AFF3: variants seen among roughly 807,000 people sequenced by gnomAD.
The protein encoded by AFF3 is ALF transcription elongation factor 3.
AFF3 carries 32 observed loss-of-function variants against 129.7 expected under a neutral mutation model. The ratio of observed to expected loss-of-function variants is 0.25; its 90% CI spans 0.19 to 0.33. The LOEUF is 0.33. Among genes scored for constraint, AFF3 ranks in the 10% least tolerant of loss-of-function variants. The pLI, the probability that AFF3 is intolerant of heterozygous loss-of-function variation, is 1.00. For synonymous variants in AFF3, 644 were observed against 635.4 expected, an observed-to-expected ratio of 1.01 and a Z score of -0.20; for missense variants, 1,373 against 1,592.0, an observed-to-expected ratio of 0.86 and a Z score of 2.34.
At chr2:100,135,968 T>G (rs1692625034) in intron 1 of AFF3, among the ~76,000 whole-genome samples, 1 of 151,956 alleles carries the variant, frequency 6.6e-6, no homozygotes, top group East Asian at 1.9e-4. Context: ...TAGCTATGGG[T>G]TGTGAAGGAA....
intron 13 of AFF3, among the ~76,000 whole-genome samples, chr2:99,644,353 CTCTT>C (rs1202291402): frequency 6.6e-6 from 1 of 152,296 alleles, no homozygotes; most frequent in Non-Finnish European, 1.5e-5. Flanking sequence ...TCGTTCCTCT[CTCTT>C]TTTTTTTAAG....
intron 4 of AFF3, among the ~76,000 whole-genome samples, chr2:100,053,464 G>T (rs1035146387): frequency 6.6e-6 from 1 of 152,198 alleles, no homozygotes; most frequent in African/African-American, 2.4e-5. Flanking sequence ...CCAGAGCTCA[G>T]TCTTCTCATT....
intron 7 of AFF3, among the ~76,000 whole-genome samples, chr2:99,970,081 T>G (rs891288169): frequency 2.0e-5 from 3 of 152,200 alleles, no homozygotes; most frequent in Admixed American, 2.0e-4. Flanking sequence ...CTGTGAGAGG[T>G]AAAGACATTT....
intron 7 of AFF3, among the ~76,000 whole-genome samples, chr2:99,869,494 T>C (rs1206110721): frequency 6.6e-6 from 1 of 152,200 alleles, no homozygotes; most frequent in Non-Finnish European, 1.5e-5. Context: ...TAGAACCCCA[T>C]CATTTAAAAT....
chr2:99,842,242 C>A (rs1196776215), intron 7 of AFF3, among the ~76,000 whole-genome samples: 2 of 152,120 alleles, frequency 1.3e-5, no homozygotes, highest in East Asian at 3.9e-4. Context: ...TTTCTCAAAT[C>A]TGGTTTCAGC....
At chr2:99,644,087 A>G (rs888499757) in intron 13 of AFF3, among the ~76,000 whole-genome samples, 2 of 152,204 alleles carry the variant, frequency 1.3e-5, no homozygotes, top group Non-Finnish European at 2.9e-5. Context: ...GCGTTCAGTA[A>G]ATATTTGTGA....
At chr2:99,736,140 T>C (rs1184103368) in intron 10 of AFF3, among the ~76,000 whole-genome samples, 1 of 152,212 alleles carries the variant, frequency 6.6e-6, no homozygotes, top group Non-Finnish European at 1.5e-5. Context: ...CTCTTGCTCA[T>C]TGTGTTGTTT....
intron 7 of AFF3, among the ~76,000 whole-genome samples, chr2:99,962,191 C>T (rs1169991704): frequency 6.6e-6 from 1 of 152,194 alleles, no homozygotes; most frequent in Non-Finnish European, 1.5e-5. Flanking sequence ...AAAACTCCTT[C>T]CTCCTCCTCA....
chr2:99,716,877 C>T (rs13387031), intron 11 of AFF3, among the ~76,000 whole-genome samples: 76,749 of 134,060 alleles, frequency 0.57, 19,696 homozygotes, highest in East Asian at 0.71. Context: ...AGTGAGACTC[C>T]GTCTCAAAAA....
At chr2:99,716,892 AT>A (rs57864002) in intron 11 of AFF3, among the ~76,000 whole-genome samples, 100,302 of 148,708 alleles carry the variant, frequency 0.67, 33,558 homozygotes, top group Middle Eastern at 0.79. Context: ...CAAAAAAAAA[AT>A]ATATATATAT....
chr2:100,048,179 G>GC lies in AFF3; in HGVS notation c.54-39248dup, dbSNP rs1340957603. ...TTGTTTACAATGTAACAAAGATAAT[G>GC]CCGTGACAAATATCCTAAGCTATAA... On this transcript the variant is annotated intron_variant, in intron 4 of 24. Transcript: ENST00000672756. Among the ~76,000 whole-genome samples the GC allele has an allele frequency of 2.6e-5, 4 of 152,292 alleles. No homozygotes were observed. In the East Asian group the frequency reaches 7.7e-4, roughly 29 times the overall value.
chr2:99,972,556 A>T lies in AFF3; in HGVS notation c.873+34076T>A, dbSNP rs563947465. On this transcript the variant is annotated intron_variant, in intron 7 of 24. Transcript: ENST00000672756. ...AGATAGTATTTTACCTCATTAGTTC[A>T]TTCATTTGACACACAGTTATTGGGC... 4.3e-4 allele frequency among the ~76,000 whole-genome samples: 65 copies of T among 152,362 alleles called. No homozygotes were observed. In the Middle Eastern group the frequency reaches 0.02, roughly 48 times the overall value.
intron 20 of AFF3, 135 bp downstream of exon 20, chr2:99,565,352 C>T: frequency 1.5e-6 from 2 of 1,310,300 alleles, no homozygotes; most frequent in South Asian, 2.8e-5. Context: ...CACGACCTTA[C>T]CCTCTTATTT....
intron 13 of AFF3, among the ~76,000 whole-genome samples, chr2:99,628,396 G>C (rs1323647972): frequency 6.6e-6 from 1 of 151,936 alleles, no homozygotes; most frequent in Non-Finnish European, 1.5e-5. Flanking sequence ...AGTGATTTTT[G>C]CATGTTGATT....
At chr2:100,077,675 T>C (rs561964443) in intron 4 of AFF3, among the ~76,000 whole-genome samples, 4 of 152,184 alleles carry the variant, frequency 2.6e-5, no homozygotes, top group African/African-American at 9.7e-5. Context: ...TTTGGGGAAG[T>C]GGAGGGAGGA....
At chr2:99,759,088 T>C (rs1394483482) in intron 8 of AFF3, among the ~76,000 whole-genome samples, 2 of 152,242 alleles carry the variant, frequency 1.3e-5, no homozygotes, top group Non-Finnish European at 2.9e-5. Context: ...ATCTCAAACA[T>C]CATTTGTGTC....
At chr2:99,777,064 T>C (rs533476521) in intron 8 of AFF3, among the ~76,000 whole-genome samples, 58 of 152,294 alleles carry the variant, frequency 3.8e-4, no homozygotes, top group African/African-American at 1.4e-3. Flanking sequence ...CAGTTATGTG[T>C]GGCAAATTCC....
At chr2:99,817,671 G>A (rs1687347960) in intron 8 of AFF3, among the ~76,000 whole-genome samples, 1 of 152,166 alleles carries the variant, frequency 6.6e-6, no homozygotes, top group African/African-American at 2.4e-5. Context: ...ACAGGTGCAT[G>A]CCACGGTGCC....
chr2:99,787,080 G>A (rs1684851066), intron 8 of AFF3, among the ~76,000 whole-genome samples: 2 of 152,030 alleles, frequency 1.3e-5, no homozygotes, highest in Admixed American at 1.3e-4. Flanking sequence ...GCCTTTACAT[G>A]CTCATTTAAA....
Sources: gnomAD v4.1 joint callset for allele counts (sites outside exome capture counted in the v4.1 genomes callset) on GRCh38, gnomAD v4.1.1 for gene constraint, MANE v1.5 for transcripts, NCBI Gene and HGNC (gene_info 2026-07-23, HGNC 2026-07-21) for gene names.